Variants in C2orf49 observed in about 807,000 individuals in gnomAD.
C2orf49 encodes the protein tRNA splicing ligase complex subunit 2, also known as tRNA-splicing ligase complex subunit ASW.
In C2orf49, 11 loss-of-function variants were observed where a neutral mutation model predicts 20.6. The observed-to-expected ratio is 0.53, with a 90% confidence interval of 0.34 to 0.88. The LOEUF is 0.88. Among genes scored for constraint, C2orf49 ranks in the 40% least tolerant of loss-of-function variants. The probability of loss-of-function intolerance (pLI) is 0.02; values close to 1 mark genes in which losing one functional copy is unlikely to be tolerated. For missense variants in C2orf49, 289 were observed against 274.2 expected (o/e 1.05, Z -0.38); for synonymous variants, 134 against 108.5 (o/e 1.24, Z -1.46).
At chr2:105,373,180 A>G in the C2orf49 span, among the ~76,000 whole-genome samples, 2 of 152,250 alleles carry the variant, frequency 1.3e-5, no homozygotes, top group African/African-American at 2.4e-5. Context: ...GGCACCATGC[A>G]CACTTGGTGA....
rs10533537 is a variant in C2orf49, at chr2:105,348,527, C to CATATATAT, written c.*3179_*3186dup. The CATATATAT allele has an allele frequency of 2.2e-3, 286 of 132,384 alleles. No individual in the cohort carries two copies. Among genetic ancestry groups the CATATATAT allele is most frequent in the African/African-American group, 2.8e-3 (99 of 35,536 alleles). The allele number at this position is 132,384 out of a possible 1,614,324, so 8.2% of individuals were successfully genotyped here. On this transcript the variant is annotated 3_prime_UTR_variant, in exon 4 of 4. Transcript: ENST00000258457. ...AAGTAAAACTGCCAGTAGATTAAAT[C>CATATATAT]ATATATATATATATATATATATATA... is the stretch of plus-strand genomic sequence containing the variant.
rs1679790347 is a variant in C2orf49, at chr2:105,345,524, C to T, written c.*153C>T. 2 of 655,984 alleles carry T rather than the reference C, an allele frequency of 3.0e-6. No individual in the cohort carries two copies. Among genetic ancestry groups the T allele is most frequent in the African/African-American group, 3.7e-5 (2 of 54,134 alleles). 40.6% of individuals were successfully genotyped at this position (655,984 alleles called of 1,614,324 possible). A position where few individuals can be genotyped will look rare whatever the true frequency, so the allele number is the denominator to read the frequency against. ...AAAAATAAAGGATTTATTTTCCTTC[C>T]CTTCTTCCCTCCCTCCCTTCCTTTT... is the stretch of plus-strand genomic sequence containing the variant. On this transcript the variant is annotated 3_prime_UTR_variant, in exon 4 of 4. Coordinates refer to ENST00000258457, the MANE Select transcript of C2orf49 (RefSeq NM_024093.3).
the C2orf49 span, chr2:105,361,295 C>G: frequency 6.8e-6 from 11 of 1,613,042 alleles, no homozygotes; most frequent in South Asian, 9.9e-5. Flanking sequence ...AGATGTCTTT[C>G]CCACAGTCGG....
At chr2:105,352,238 T>A (rs1679951754), downstream of C2orf49, among the ~76,000 whole-genome samples, 1 of 152,138 alleles carries the variant, frequency 6.6e-6, no homozygotes, top group South Asian at 2.1e-4. Flanking sequence ...TTTAAGATAG[T>A]TTCACAGTTT....
At chr2:105,355,317 A>C in the C2orf49 span, among the ~76,000 whole-genome samples, 1 of 152,210 alleles carries the variant, frequency 6.6e-6, no homozygotes, top group African/African-American at 2.4e-5. Context: ...GGAAGGTGAA[A>C]GTAACTCTGG....
the C2orf49 span, among the ~76,000 whole-genome samples, chr2:105,365,781 G>A: frequency 1.3e-5 from 2 of 151,960 alleles, no homozygotes; most frequent in African/African-American, 2.4e-5. Flanking sequence ...GAAAGCAGAG[G>A]TTGCAGTGAG....
the C2orf49 span, among the ~76,000 whole-genome samples, chr2:105,366,178 C>G: frequency 6.6e-6 from 1 of 151,854 alleles, no homozygotes; most frequent in Non-Finnish European, 1.5e-5. Context: ...CCACTGCACT[C>G]CAGCCTGGGC....
the C2orf49 span, chr2:105,378,989 T>A: frequency 6.6e-6 from 1 of 152,158 alleles, no homozygotes; most frequent in African/African-American, 2.4e-5. Flanking sequence ...GGTCCCACAG[T>A]CCACATCTCT....
At chr2:105,362,214 C>T in the C2orf49 span, among the ~76,000 whole-genome samples, 5 of 152,134 alleles carry the variant, frequency 3.3e-5, no homozygotes, top group Non-Finnish European at 7.3e-5. Flanking sequence ...CATTTTCCCC[C>T]TAAAAGATTC....
chr2:105,377,348 T>G, the C2orf49 span, among the ~76,000 whole-genome samples: 1 of 152,192 alleles, frequency 6.6e-6, no homozygotes, highest in East Asian at 1.9e-4. Context: ...AAGTAAGTTT[T>G]GGCCAGGCGA....
intron 1 of C2orf49, 35 bp downstream of exon 1, chr2:105,337,721 G>GCCCCCCCCCCCCCCCCCCCCCC: frequency 3.7e-5 from 1 of 26,796 alleles, no homozygotes; most frequent in Non-Finnish European, 6.6e-5. Context: ...GGGCGGGTGG[G>GCCCCCCCCCCCCCCCCCCCCCC]CCTTCCCAGG....
At chr2:105,361,622 G>A in the C2orf49 span, among the ~76,000 whole-genome samples, 17 of 152,184 alleles carry the variant, frequency 1.1e-4, no homozygotes, top group African/African-American at 4.8e-5. Flanking sequence ...GGAGGATCTC[G>A]TGAATATCAG....
At chr2:105,343,694 C>T (rs939979897) in intron 3 of C2orf49, among the ~76,000 whole-genome samples, 4 of 152,158 alleles carry the variant, frequency 2.6e-5, no homozygotes, top group South Asian at 4.1e-4. Flanking sequence ...CCACTTGCCT[C>T]GCCTACTGCT....
the C2orf49 span, among the ~76,000 whole-genome samples, chr2:105,366,563 A>G: frequency 6.6e-6 from 1 of 152,128 alleles, no homozygotes; most frequent in South Asian, 2.1e-4. Context: ...GCATAATAAG[A>G]ATTGCGTGTG....
At chr2:105,337,765 C>A in intron 1 of C2orf49, 79 bp downstream of exon 1, 1 of 1,294,406 alleles carries the variant, frequency 7.7e-7, no homozygotes, top group Non-Finnish European at 1.1e-6. Flanking sequence ...CCTTAAGTAG[C>A]CCTCGGCAAC....
chr2:105,382,406 G>A, the C2orf49 span, among the ~76,000 whole-genome samples: 7 of 152,216 alleles, frequency 4.6e-5, no homozygotes, highest in Non-Finnish European at 8.8e-5. Flanking sequence ...CATGCTAGGT[G>A]AGGACCCTCC....
chr2:105,379,894 G>A, the C2orf49 span, among the ~76,000 whole-genome samples: 6 of 152,200 alleles, frequency 3.9e-5, no homozygotes, highest in East Asian at 1.9e-4. Context: ...CCACGCCGGC[G>A]ACCTAGTTTG....
the C2orf49 span, among the ~76,000 whole-genome samples, chr2:105,377,485 G>A: frequency 2.0e-5 from 3 of 152,164 alleles, no homozygotes; most frequent in South Asian, 2.1e-4. Flanking sequence ...ACAAAAATTA[G>A]CCAGGCGTGG....
At chr2:105,341,069 G>T (rs1679652548) in intron 2 of C2orf49, among the ~76,000 whole-genome samples, 1 of 152,200 alleles carries the variant, frequency 6.6e-6, no homozygotes, top group Non-Finnish European at 1.5e-5. Context: ...ATTTTAGATT[G>T]ACCATTTTAG....
Sources: allele counts gnomAD v4.1 joint callset (sites outside exome capture counted in the v4.1 genomes callset), GRCh38; gene constraint gnomAD v4.1.1; transcripts MANE v1.5; gene names NCBI Gene and HGNC (gene_info 2026-07-23, HGNC 2026-07-21).